GRAMD1B: variants seen among roughly 807,000 people sequenced by gnomAD.
GRAMD1B encodes the protein protein Aster-B.
In GRAMD1B, 37 loss-of-function variants were observed where a neutral mutation model predicts 99.7. The observed-to-expected ratio is 0.37, with a 90% CI of 0.29 to 0.49. The LOEUF (loss-of-function observed/expected upper bound fraction) is 0.49, where lower values mean the gene tolerates loss of function less well. Among genes scored for constraint, GRAMD1B ranks in the 20% least tolerant of loss-of-function variants. The pLI is 0.98. For synonymous variants in GRAMD1B, 427 were observed against 387.6 expected, an observed-to-expected ratio of 1.10 and a Z score of -1.19; for missense variants, 888 against 1,009.2, an observed-to-expected ratio of 0.88 and a Z score of 1.63.
chr11:123,525,646 G>T (rs1942637916), intron 2 of GRAMD1B: 1 of 177,498 alleles, frequency 5.6e-6, no homozygotes, highest in Non-Finnish European at 1.2e-5. Context: ...AGATTATATG[G>T]AGCTGCGGGA....
chr11:123,578,128 T>C (rs556293139), intron 3 of GRAMD1B, among the ~76,000 whole-genome samples: 1 of 152,268 alleles, frequency 6.6e-6, no homozygotes, highest in South Asian at 2.1e-4. Flanking sequence ...GGCCCATGGA[T>C]ATGCCTAAAA....
At chr11:123,573,063 GATGGCTGGGGCAGGGGCGCAGGTAGGC>G (rs1948327502) in intron 2 of GRAMD1B, among the ~76,000 whole-genome samples, 1 of 150,696 alleles carries the variant, frequency 6.6e-6, no homozygotes, top group African/African-American at 2.4e-5. Flanking sequence ...GGTAGGCCCC[GATGGCTGGGGCAGGGGCGCAGGTAGGC>G]CCCGATGGCT....
At chr11:123,494,801 C>A (rs76640333) in intron 2 of GRAMD1B, among the ~76,000 whole-genome samples, 2,174 of 152,204 alleles carry the variant, frequency 0.014, 39 homozygotes, top group African/African-American at 0.049. Flanking sequence ...CCAGCCTCAG[C>A]GAAGAAGGAA....
intron 8 of GRAMD1B, 128 bp from the exon 9 acceptor site, chr11:123,603,297 GC>G: frequency 1.6e-6 from 1 of 638,050 alleles, no homozygotes; most frequent in Admixed American, 2.6e-5. Flanking sequence ...GTGGTGGCTC[GC>G]CTCTCATTCA....
intron 12 of GRAMD1B, among the ~76,000 whole-genome samples, chr11:123,609,032 C>T (rs1486200734): frequency 5.3e-5 from 8 of 152,072 alleles, no homozygotes; most frequent in African/African-American, 9.7e-5. Context: ...TCCCACTACA[C>T]ACCAGGCACT....
At chr11:123,557,318 C>T (rs1026074590) in intron 2 of GRAMD1B, among the ~76,000 whole-genome samples, 26 of 152,142 alleles carry the variant, frequency 1.7e-4, no homozygotes, top group Non-Finnish European at 1.5e-4. Flanking sequence ...TTCCCTGATT[C>T]GCTTGTTTTG....
At chr11:123,514,960 G>A (rs981925983) in intron 2 of GRAMD1B, among the ~76,000 whole-genome samples, 1 of 152,206 alleles carries the variant, frequency 6.6e-6, no homozygotes, top group Non-Finnish European at 1.5e-5. Context: ...GGTGATAGAT[G>A]CTCAATAAAT....
chr11:123,462,959 G>T (rs2134523509), intron 1 of GRAMD1B, among the ~76,000 whole-genome samples: 1 of 149,564 alleles, frequency 6.7e-6, no homozygotes, highest in African/African-American at 2.4e-5. Context: ...TCATAGACGT[G>T]CCATGTATCC....
At chr11:123,551,542 G>C (rs1362913142) in intron 2 of GRAMD1B, among the ~76,000 whole-genome samples, 1 of 152,160 alleles carries the variant, frequency 6.6e-6, no homozygotes, top group African/African-American at 2.4e-5. Flanking sequence ...GGGTAGCTAG[G>C]GGCAGACCAT....
chr11:123,578,616 C>G (rs753312416), intron 3 of GRAMD1B, among the ~76,000 whole-genome samples: 2 of 152,176 alleles, frequency 1.3e-5, no homozygotes, highest in Non-Finnish European at 2.9e-5. Context: ...GGCCCATTTT[C>G]ACTGCACCTG....
intron 1 of GRAMD1B, among the ~76,000 whole-genome samples, chr11:123,414,469 C>T (rs1948160193): frequency 6.6e-6 from 1 of 152,174 alleles, no homozygotes; most frequent in African/African-American, 2.4e-5. Flanking sequence ...CAACAACCTT[C>T]TGTGATAGTA....
intron 3 of GRAMD1B, among the ~76,000 whole-genome samples, chr11:123,579,014 C>T (rs1386869246): frequency 1.3e-5 from 2 of 152,168 alleles, no homozygotes; most frequent in African/African-American, 4.8e-5. Flanking sequence ...TAACCACTGC[C>T]CAGACTGGGG....
intron 2 of GRAMD1B, among the ~76,000 whole-genome samples, chr11:123,529,114 C>T (rs983179913): frequency 6.6e-6 from 1 of 152,216 alleles, no homozygotes; most frequent in Non-Finnish European, 1.5e-5. Flanking sequence ...AAGGGCAATG[C>T]TTTGGCCTTT....
chr11:123,488,976 C>G (rs189351715), intron 2 of GRAMD1B, among the ~76,000 whole-genome samples: 279 of 152,132 alleles, frequency 1.8e-3, no homozygotes, highest in African/African-American at 6.5e-3. Flanking sequence ...TAAGGTTGAC[C>G]CCTTAGATGG....
At chr11:123,608,301 A>G in intron 11 of GRAMD1B, 1 of 590,234 alleles carries the variant, frequency 1.7e-6, no homozygotes, top group Non-Finnish European at 3.0e-6. Flanking sequence ...TCAAAACCCC[A>G]TTCTTTGGGT....
At chr11:123,364,853 T>A (rs998126896) in intron 1 of GRAMD1B, among the ~76,000 whole-genome samples, 2 of 152,088 alleles carry the variant, frequency 1.3e-5, no homozygotes, top group East Asian at 1.9e-4. Flanking sequence ...AAAAAAAAAA[T>A]TTGCAAAATG....
At chr11:123,592,412 A>G (rs549576225) in intron 4 of GRAMD1B, among the ~76,000 whole-genome samples, 1 of 152,296 alleles carries the variant, frequency 6.6e-6, no homozygotes, top group Non-Finnish European at 1.5e-5. Context: ...AATTTCCTCA[A>G]GTGCAAAATG....
chr11:123,487,082 TAAAG>T (rs1937901993), intron 2 of GRAMD1B, among the ~76,000 whole-genome samples: 1 of 152,104 alleles, frequency 6.6e-6, no homozygotes, highest in Non-Finnish European at 1.5e-5. Context: ...AGAAAATAAA[TAAAG>T]AAGTTCACTA....
chr11:123,540,269 G>A (rs1460258544), intron 2 of GRAMD1B, among the ~76,000 whole-genome samples: 2 of 151,154 alleles, frequency 1.3e-5, no homozygotes, highest in Admixed American at 6.6e-5. Flanking sequence ...TTGTATAGAC[G>A]GAATTTCACT....
Sources: gnomAD v4.1 joint callset for allele counts (sites outside exome capture counted in the v4.1 genomes callset) on GRCh38, gnomAD v4.1.1 for gene constraint, MANE v1.5 for transcripts, NCBI Gene and HGNC (gene_info 2026-07-23, HGNC 2026-07-21) for gene names.